The following PUDP variants were observed in gnomAD, a reference collection of about 807,000 sequenced individuals.
The protein encoded by PUDP is pseudouridine-5'-phosphatase.
In PUDP, 8 loss-of-function variants were observed where a neutral mutation model predicts 9.4. The observed-to-expected ratio is 0.85, with a 90% CI of 0.50 to 1.53. PUDP has a LOEUF of 1.53. Ranked by LOEUF, PUDP falls within the 40% of genes most tolerant of loss-of-function variation. The pLI, the probability that PUDP is intolerant of heterozygous loss-of-function variation, is 0.00. For synonymous variants in PUDP, 99 were observed against 80.7 expected (o/e 1.23, Z -1.22); for missense variants, 188 against 189.7 (o/e 0.99, Z 0.05).
intron 3 of PUDP, among the ~76,000 whole-genome samples, chrX:7,070,847 G>A (rs1331008480): frequency 8.9e-6 from 1 of 111,800 alleles, no homozygotes; most frequent in East Asian, 2.8e-4. Flanking sequence ...CAAAGTGCTG[G>A]GATTACAGGC....
intron 1 of PUDP, among the ~76,000 whole-genome samples, chrX:7,008,090 A>C (rs1026049405): frequency 1.8e-5 from 2 of 109,672 alleles, no homozygotes; most frequent in Non-Finnish European, 3.8e-5. Context: ...CAGCCTCTGG[A>C]GTAGCTGGGA....
At chrX:6,827,347 G>A (rs966263504) in intron 3 of PUDP, among the ~76,000 whole-genome samples, 4 of 112,149 alleles carry the variant, frequency 3.6e-5, no homozygotes, top group Middle Eastern at 4.6e-3. Context: ...ACTCCACAGT[G>A]TGGGAGCGGG....
rs59567976 is a variant in PUDP at position 7,125,030 on chromosome X, A to AAG, written c.62-19193_62-19192insCT. On this transcript the variant is annotated intron_variant, in intron 1 of 3. Transcript: ENST00000381077. ...TGACTTTCAAACATATTAAAAAAAAACATAAAAAAAACATAAAAATAAACT... is the reference window on the plus strand; with the variant it reads ...TGACTTTCAAACATATTAAAAAAAAAAGCATAAAAAAAACATAAAAATAAACT... Among the ~76,000 whole-genome samples, 3 of 108,996 alleles carry AAG rather than the reference A, an allele frequency of 2.8e-5. No homozygotes were observed. In the South Asian group the frequency reaches 1.2e-3, roughly 43 times the overall value. The allele number at this position is 108,996 out of a possible 115,157, so 94.6% of individuals were successfully genotyped here.
Position 7,082,991 on chromosome X carries a change from G to A in PUDP, c.281-5542C>T, listed in dbSNP as rs565155150. Among the ~76,000 whole-genome samples, 215 of 112,387 alleles carry A rather than the reference G, an allele frequency of 1.9e-3. 2 individuals carry two copies. The highest frequency in any genetic ancestry group is 6.1e-3 in the Admixed American group (65 of 10,669). On this transcript the variant is annotated intron_variant, in intron 2 of 3. Transcript: ENST00000381077. ...TCTTGAGATGAGCTCACTTTGCCAC[G>A]TGGAAACGGAGGCAGAGACTGAAGT...
chrX:6,822,934 A>G (rs1926370349), intron 3 of PUDP, among the ~76,000 whole-genome samples: 1 of 111,055 alleles, frequency 9.0e-6, no homozygotes, highest in Admixed American at 9.6e-5. Flanking sequence ...TGTGATATAA[A>G]AACTAACATT....
intron 1 of PUDP, among the ~76,000 whole-genome samples, chrX:7,037,931 G>C (rs1929874826): frequency 9.0e-6 from 1 of 111,283 alleles, no homozygotes. Context: ...TGCTATATAA[G>C]GACAGACTAT....
chrX:7,038,927 C>A (rs1929886902), intron 1 of PUDP, among the ~76,000 whole-genome samples: 1 of 110,972 alleles, frequency 9.0e-6, no homozygotes, highest in African/African-American at 3.3e-5. Flanking sequence ...GGGTCTATTT[C>A]TGTATTTATT....
chrX:6,796,745 G>A (rs1443069880), intron 3 of PUDP, among the ~76,000 whole-genome samples: 1 of 112,007 alleles, frequency 8.9e-6, no homozygotes, highest in Non-Finnish European at 1.9e-5. Context: ...AGAAGGCTAA[G>A]AGAGAGACGT....
Position 6,981,488 on chromosome X carries a change from GT to G in PUDP, c.205-3146del, listed in dbSNP as rs776092029. Among the ~76,000 whole-genome samples, 12 of 111,385 alleles carry G rather than the reference GT, an allele frequency of 1.1e-4. No homozygotes were observed. The South Asian group carries it at 4.6e-3, about 43-fold the overall frequency. The stretch of plus-strand genomic sequence containing the variant: ...CCGATATAGCATTTTTAGTGCCATT[GT>G]TAGTATAAAAAAAAATTAAAAGTTT... On this transcript the variant is annotated intron_variant and NMD_transcript_variant, in intron 1 of 3. Transcript: ENST00000655425.
chrX:7,018,232 G>A (rs1324372281), intron 1 of PUDP, among the ~76,000 whole-genome samples: 1 of 111,411 alleles, frequency 9.0e-6, no homozygotes, highest in Non-Finnish European at 1.9e-5. Flanking sequence ...TCACTTTATG[G>A]ACTCGACCTG....
intron 3 of PUDP, among the ~76,000 whole-genome samples, chrX:6,755,098 A>G (rs1418810155): frequency 1.8e-5 from 2 of 111,747 alleles, no homozygotes; most frequent in East Asian, 5.6e-4. Flanking sequence ...ATGGTATTAG[A>G]GAAGCTTCAT....
intron 1 of PUDP, among the ~76,000 whole-genome samples, chrX:6,720,208 GTATA>G (rs199867914): frequency 5.1e-4 from 47 of 92,831 alleles, no homozygotes; most frequent in Non-Finnish European, 8.8e-4. Context: ...ATATATGTGT[GTATA>G]TATATATGTG....
At chrX:7,139,135 C>A (rs1429383087) in intron 1 of PUDP, among the ~76,000 whole-genome samples, 1 of 112,046 alleles carries the variant, frequency 8.9e-6, no homozygotes, top group Non-Finnish European at 1.9e-5. Flanking sequence ...CAATTATTCA[C>A]AGATTTTACC....
intron 3 of PUDP, among the ~76,000 whole-genome samples, chrX:6,778,118 G>A (rs1234810224): frequency 8.9e-6 from 1 of 112,029 alleles, no homozygotes; most frequent in African/African-American, 3.2e-5. Context: ...AAAATGAGAA[G>A]GGGGCTGTGG....
chrX:7,121,883 T>C (rs772448641), intron 1 of PUDP, among the ~76,000 whole-genome samples: 3 of 112,092 alleles, frequency 2.7e-5, no homozygotes, highest in Non-Finnish European at 5.6e-5. Flanking sequence ...CCTGTAGATA[T>C]TGGGGTTAAA....
intron 3 of PUDP, among the ~76,000 whole-genome samples, chrX:6,927,964 C>CT (rs34707742): frequency 0.21 from 19,541 of 93,612 alleles, 1,834 homozygotes; most frequent in Admixed American, 0.34. Flanking sequence ...GTGGTCTTCT[C>CT]TTTTTTTTTT....
intron 3 of PUDP, among the ~76,000 whole-genome samples, chrX:6,938,593 C>A (rs1240717462): frequency 1.0e-5 from 1 of 95,725 alleles, no homozygotes; most frequent in African/African-American, 3.9e-5. Context: ...TGTAACTAAC[C>A]TGCACAATGT....
chrX:6,909,428 G>A (rs1345881043), intron 3 of PUDP, among the ~76,000 whole-genome samples: 2 of 112,015 alleles, frequency 1.8e-5, no homozygotes, highest in Non-Finnish European at 3.8e-5. Flanking sequence ...TTTAAGCAAG[G>A]TTGTCCAAAT....
intron 1 of PUDP, among the ~76,000 whole-genome samples, chrX:6,715,325 T>C (rs1020781551): frequency 9.0e-6 from 1 of 111,366 alleles, no homozygotes; most frequent in Non-Finnish European, 1.9e-5. Context: ...CTCTGGATAC[T>C]TCTTAGTTTT....
Sources: allele counts gnomAD v4.1 joint callset (sites outside exome capture counted in the v4.1 genomes callset), GRCh38; gene constraint gnomAD v4.1.1; transcripts MANE v1.5; gene names NCBI Gene and HGNC (gene_info 2026-07-23, HGNC 2026-07-21).